Variants in TASP1 observed in about 807,000 individuals in gnomAD.
The protein encoded by TASP1 is taspase 1, also known as threonine aspartase 1.
Under a neutral mutation model 56.6 loss-of-function variants are expected in TASP1, and 16 were observed. That is an observed-to-expected ratio of 0.28 (90% confidence interval 0.19 to 0.43). The LOEUF is 0.43. TASP1 is among the 20% of genes least tolerant of loss of function. The probability of loss-of-function intolerance (pLI) is 1.00; values close to 1 mark genes in which losing one functional copy is unlikely to be tolerated. For missense variants in TASP1, 393 were observed against 511.6 expected, an observed-to-expected ratio of 0.77 and a Z score of 2.24; for synonymous variants, 179 against 184.2, an observed-to-expected ratio of 0.97 and a Z score of 0.23.
chr20:13,514,239 A>C (rs2044441018), intron 10 of TASP1, among the ~76,000 whole-genome samples: 1 of 152,160 alleles, frequency 6.6e-6, no homozygotes, highest in Non-Finnish European at 1.5e-5. Flanking sequence ...ATTAGTAAAC[A>C]GTGATCATTA....
Position 13,557,469 on chromosome 20 carries a change from A to T in TASP1, c.675+1539T>A, listed in dbSNP as rs1307964292. Among the ~76,000 whole-genome samples, 11 of 152,086 alleles carry T rather than the reference A, an allele frequency of 7.2e-5. No homozygotes were observed. In the East Asian group the frequency reaches 2.1e-3, roughly 29 times the overall value. ...CTGGAAAGCAGCATGAAAGAACTGG[A>T]AATATTCTATATCTTGATAGGTGTA... is the stretch of plus-strand genomic sequence containing the variant. On this transcript the variant is annotated intron_variant, in intron 8 of 13. Transcript: ENST00000337743.
intron 11 of TASP1, among the ~76,000 whole-genome samples, chr20:13,446,336 G>A (rs2043410630): frequency 6.6e-6 from 1 of 152,090 alleles, no homozygotes; most frequent in South Asian, 2.1e-4. Context: ...AAGAAAAGGA[G>A]GGGCTAGTTG....
At chr20:13,429,615 AGTGTGT>A (rs36104978) in intron 12 of TASP1, among the ~76,000 whole-genome samples, 19 of 148,506 alleles carry the variant, frequency 1.3e-4, no homozygotes, top group African/African-American at 4.2e-4. Flanking sequence ...GGTGTGTGTG[AGTGTGT>A]GTGTGTGTGT....
At chr20:13,300,341 G>A in the TASP1 span, 6 of 151,702 alleles carry the variant, frequency 4.0e-5, no homozygotes, top group Admixed American at 2.0e-4. Context: ...ATAATGGACC[G>A]CATTTCACCT....
chr20:13,417,304 A>T (rs953413277), intron 13 of TASP1, 144 bp downstream of exon 13: 1 of 723,862 alleles, frequency 1.4e-6, no homozygotes, highest in African/African-American at 1.8e-5. Flanking sequence ...AGCATTGTTA[A>T]CTGTTCTTAT....
intron 10 of TASP1, among the ~76,000 whole-genome samples, chr20:13,494,435 G>GA: frequency 2.0e-5 from 3 of 152,160 alleles, no homozygotes; most frequent in East Asian, 1.9e-4. Flanking sequence ...GTTAATTAAT[G>GA]AAAAAATATA....
chr20:13,211,730 G>C, the TASP1 span, among the ~76,000 whole-genome samples: 1 of 152,170 alleles, frequency 6.6e-6, no homozygotes, highest in African/African-American at 2.4e-5. Context: ...TGGCACTATG[G>C]TAAGAGACAG....
the TASP1 span, among the ~76,000 whole-genome samples, chr20:13,290,321 G>A: frequency 5.3e-5 from 8 of 152,230 alleles, no homozygotes; most frequent in East Asian, 1.4e-3. Context: ...TGAAGTAAAC[G>A]AAAATAATGA....
the TASP1 span, among the ~76,000 whole-genome samples, chr20:13,204,258 AC>A: frequency 4.6e-5 from 7 of 152,122 alleles, no homozygotes; most frequent in African/African-American, 1.7e-4. Context: ...GAAGCCAATG[AC>A]AGAGACTCCT....
the TASP1 span, chr20:13,117,525 C>T: frequency 1.0e-5 from 16 of 1,597,782 alleles, no homozygotes; most frequent in African/African-American, 2.7e-5. Context: ...TTCCATCGTG[C>T]ATCTGCCCCA....
chr20:13,211,233 T>G, the TASP1 span, among the ~76,000 whole-genome samples: 16 of 152,190 alleles, frequency 1.1e-4, no homozygotes, highest in African/African-American at 3.9e-4. Context: ...TTTATCACAT[T>G]TTGAAACATA....
At chr20:13,145,907 T>TA in the TASP1 span, among the ~76,000 whole-genome samples, 5 of 152,168 alleles carry the variant, frequency 3.3e-5, no homozygotes, top group Admixed American at 6.5e-5. Flanking sequence ...CCCTATTTAA[T>TA]AAATAATCAG....
At chr20:13,343,620 C>T in the TASP1 span, among the ~76,000 whole-genome samples, 1 of 134,206 alleles carries the variant, frequency 7.5e-6, no homozygotes, top group African/African-American at 2.7e-5. Flanking sequence ...CTGCTTTCCT[C>T]AGTAGCAAAG....
intron 6 of TASP1, among the ~76,000 whole-genome samples, chr20:13,577,241 T>C (rs1425111981): frequency 6.6e-6 from 1 of 152,192 alleles, no homozygotes; most frequent in African/African-American, 2.4e-5. Flanking sequence ...TGAATGATCA[T>C]AAGACGTTGT....
intron 13 of TASP1, chr20:13,393,737 G>C: frequency 1.3e-6 from 1 of 766,188 alleles, no homozygotes; most frequent in East Asian, 2.7e-5. Context: ...CAGCTGCTGG[G>C]AGTCCCTGCC....
chr20:13,205,436 G>T, the TASP1 span, among the ~76,000 whole-genome samples: 1 of 152,168 alleles, frequency 6.6e-6, no homozygotes, highest in Admixed American at 6.5e-5. Flanking sequence ...CACAAACTGG[G>T]TGGCTTCAAC....
At chr20:13,367,398 T>C in the TASP1 span, among the ~76,000 whole-genome samples, 1 of 152,228 alleles carries the variant, frequency 6.6e-6, no homozygotes, top group African/African-American at 2.4e-5. Flanking sequence ...TTGCTCCCCC[T>C]TGGCCATCAT....
At chr20:13,126,734 A>G in the TASP1 span, 3 of 1,613,530 alleles carry the variant, frequency 1.9e-6, no homozygotes, top group Non-Finnish European at 2.5e-6. Context: ...GGATCTGCAG[A>G]GAGCACAGCT....
the TASP1 span, among the ~76,000 whole-genome samples, chr20:13,209,146 A>G: frequency 6.6e-6 from 1 of 152,304 alleles, no homozygotes; most frequent in East Asian, 1.9e-4. Context: ...GAGTTCTGAA[A>G]TGCAAACATG....
Sources: allele counts gnomAD v4.1 joint callset (sites outside exome capture counted in the v4.1 genomes callset), GRCh38; gene constraint gnomAD v4.1.1; transcripts MANE v1.5; gene names NCBI Gene and HGNC (gene_info 2026-07-23, HGNC 2026-07-21).